The following FKBP10 variants were observed in gnomAD, a reference collection of about 807,000 sequenced individuals.
FKBP10 encodes the protein FKBP prolyl isomerase 10, also known as peptidyl-prolyl cis-trans isomerase FKBP10.
A neutral mutation model predicts 53.7 loss-of-function variants in FKBP10; 34 were observed. The ratio of observed to expected loss-of-function variants is 0.63; its 90% CI spans 0.48 to 0.84. FKBP10 has a LOEUF of 0.84. FKBP10 is among the 40% of genes least tolerant of loss of function. The pLI is 0.00. For synonymous variants in FKBP10, 324 were observed against 335.7 expected (o/e 0.97, Z 0.38); for missense variants, 748 against 797.8 (o/e 0.94, Z 0.75).
intron 6 of FKBP10, 55 bp from the exon 7 acceptor site, chr17:41,820,214 C>T: frequency 6.3e-7 from 1 of 1,589,908 alleles, no homozygotes; most frequent in South Asian, 1.1e-5. Context: ...GGAGAGACCT[C>T]AAGTAGCCTC....
At position 41,818,271 on chromosome 17, in the gene FKBP10, G is replaced by A. The variant is rs782621807; in HGVS notation, c.574G>A (p.Asp192Asn). The A allele has an allele frequency of 5.0e-6, 8 of 1,613,672 alleles. No homozygotes were observed. Among genetic ancestry groups the A allele is most frequent in the African/African-American group, 2.7e-5 (2 of 74,928 alleles). ...NGTLLDGTSF[D>N]TSYSKGGTYD... ...CACCCTGCTGGACGGCACCTCCTTC[G>A]ACACCAGGTGAGGGGCTGGAGGGGA... The change falls in exon 3 of 10, where the codon GAC (aspartate) becomes AAC (asparagine). Residue 192 changes from aspartate to asparagine, a missense_variant. Asp to Asn is a conservative substitution (Grantham distance 23). Transcript: ENST00000321562.
intron 6 of FKBP10, 117 bp from the exon 7 acceptor site, chr17:41,820,152 C>T (rs1407242423): frequency 1.5e-6 from 2 of 1,312,626 alleles, no homozygotes; most frequent in Non-Finnish European, 2.2e-6. Context: ...CCGTCCCATC[C>T]TCCTTTGGAT....
rs782107114 is a variant in FKBP10 at position 41,819,659 on chromosome 17, T to C, written c.1047T>C (p.Tyr349=). 1.2e-6 allele frequency: 2 copies of C among 1,606,298 alleles called. No homozygotes were observed. The highest frequency in any genetic ancestry group is 2.2e-5 in the South Asian group (2 of 89,934). Residue 349 remains tyrosine (Y), a synonymous_variant, in exon 6 of 10, where the codon TAT becomes TAC. Coordinates refer to ENST00000321562, the MANE Select transcript of FKBP10 (RefSeq NM_021939.4). ...TTACCATCCCCCCGCACCTCGCCTA[T>C]GGGGAGAATGGAACTGGTAGGGGCG... is the stretch of plus-strand genomic sequence containing the variant. ...RRITIPPHLA[Y]GENGTGDKIP...
At chr17:41,813,600 G>T (rs1453529635) in intron 1 of FKBP10, among the ~76,000 whole-genome samples, 3 of 152,120 alleles carry the variant, frequency 2.0e-5, no homozygotes, top group African/African-American at 7.2e-5. Context: ...TACAGTGTTG[G>T]GGGGAAGGGG....
intron 7 of FKBP10, 190 bp from the exon 8 acceptor site, chr17:41,820,757 G>A (rs2047880480): frequency 3.7e-6 from 3 of 807,488 alleles, no homozygotes; most frequent in African/African-American, 3.5e-5. Flanking sequence ...CACTTTAGGG[G>A]GCAGAGGCAA....
Position 41,818,153 on chromosome 17 carries a change from G to A in FKBP10, c.456G>A (p.Lys152=). Reference sequence around the variant, plus strand: ...TGGTTCTGCTGGATGTGTGGAACAAGGAAGACACCGTGCAGGTGAGCACAT... The same window carrying A: ...TGGTTCTGCTGGATGTGTGGAACAAAGAAGACACCGTGCAGGTGAGCACAT... The part of the protein sequence containing the change: ...FDVVLLDVWN[K]EDTVQVSTLL... The change falls in exon 3 of 10, where the codon AAG becomes AAA. Residue 152 remains lysine (K), a synonymous_variant. Transcript: ENST00000321562. 1.9e-6 allele frequency: 3 copies of A among 1,613,846 alleles called. No individual in the cohort carries two copies. Among genetic ancestry groups the A allele is most frequent in the Non-Finnish European group, 2.5e-6 (3 of 1,179,956 alleles).
Position 41,819,690 on chromosome 17 carries a change from C to A in FKBP10, c.1063+15C>A. 6.3e-7 allele frequency: 1 copy of A among 1,589,456 alleles called. No individual in the cohort carries two copies. The highest frequency in any genetic ancestry group is 2.3e-5 in the East Asian group (1 of 43,708). On this transcript the variant is annotated intron_variant, in intron 6 of 9. Coordinates refer to ENST00000321562, the MANE Select transcript of FKBP10 (RefSeq NM_021939.4). ...GAATGGAACTGGTAGGGGCGTTCCCCAGCCACCACCTCAGCTCCTCCTCCG... is the reference window on the plus strand; with the variant it reads ...GAATGGAACTGGTAGGGGCGTTCCCAAGCCACCACCTCAGCTCCTCCTCCG...
intron 4 of FKBP10, 180 bp from the exon 5 acceptor site, chr17:41,819,030 C>T: frequency 1.6e-6 from 1 of 640,852 alleles, no homozygotes; most frequent in Non-Finnish European, 2.7e-6. Flanking sequence ...GGTGGTGGCC[C>T]TGGGGAAAAC....
rs1178413988 is a variant in FKBP10, at chr17:41,821,085, T to A, written c.1395T>A (p.Ser465Arg). 1 of 1,517,988 alleles carries A rather than the reference T, an allele frequency of 6.6e-7. No individual in the cohort carries two copies. The highest frequency in any genetic ancestry group is 1.5e-5 in the African/African-American group (1 of 66,418). 94.0% of individuals were successfully genotyped at this position (1,517,988 alleles called of 1,614,324 possible). Reference protein sequence around the residue: ...IVPPHLAHGESGARGVPGSAV... With the variant: ...IVPPHLAHGERGARGVPGSAV... Reference sequence around the variant, plus strand: ...CCCCGCACCTGGCCCACGGGGAGAGTGGAGGTGAGGGGCTGAGACCATAAT... The same window carrying A: ...CCCCGCACCTGGCCCACGGGGAGAGAGGAGGTGAGGGGCTGAGACCATAAT... Residue 465 changes from serine to arginine, a missense_variant, in exon 8 of 10, where the codon AGT becomes AGA. Ser to Arg is a moderately radical substitution (Grantham distance 110). Coordinates refer to ENST00000321562, the MANE Select transcript of FKBP10 (RefSeq NM_021939.4).
In FKBP10 at chr17:41,813,048, GCC is replaced by G. The variant is rs782271121; in HGVS notation, c.20_21del (p.Pro7GlnfsTer67). Reference sequence around the variant, plus strand: ...ACTCCAGGCACCATGTTCCCCGCGGGCCCCCCCAGCCACAGCCTCCTCCGGCT... The same window carrying G: ...ACTCCAGGCACCATGTTCCCCGCGGGCCCCCAGCCACAGCCTCCTCCGGCT... On this transcript the variant is annotated frameshift_variant, in exon 1 of 10. Coordinates refer to ENST00000321562, the MANE Select transcript of FKBP10 (RefSeq NM_021939.4). LOFTEE classifies it high-confidence loss of function. The G allele has an allele frequency of 6.2e-7, 1 of 1,609,390 alleles. No individual in the cohort carries two copies.
intron 1 of FKBP10, among the ~76,000 whole-genome samples, chr17:41,815,954 G>A (rs1478927855): frequency 6.6e-6 from 1 of 151,446 alleles, no homozygotes; most frequent in Non-Finnish European, 1.5e-5. Flanking sequence ...TGGGCAACAT[G>A]GCGAAAGCCC....
chr17:41,818,077 G>C lies in FKBP10; in HGVS notation c.392-12G>C. 6.3e-7 allele frequency: 1 copy of C among 1,594,112 alleles called. No individual in the cohort carries two copies. Among genetic ancestry groups the C allele is most frequent in the Non-Finnish European group, 8.5e-7 (1 of 1,170,450 alleles). On this transcript the variant is annotated splice_polypyrimidine_tract_variant and intron_variant, in intron 2 of 9. Coordinates refer to ENST00000321562, the MANE Select transcript of FKBP10 (RefSeq NM_021939.4). Reference sequence around the variant, plus strand: ...AGAACTCTGAGACCTCCACGCTGCTGCGCTCTCACAGCGGGGCTCATTCCA... The same window carrying C: ...AGAACTCTGAGACCTCCACGCTGCTCCGCTCTCACAGCGGGGCTCATTCCA...
intron 1 of FKBP10, 84 bp from the exon 2 acceptor site, chr17:41,816,974 C>T: frequency 6.3e-7 from 1 of 1,583,094 alleles, no homozygotes; most frequent in Non-Finnish European, 8.7e-7. Flanking sequence ...TGCGTGTGTG[C>T]AGGCACACCT....
chr17:41,813,258 A>T lies in FKBP10; in HGVS notation c.224A>T (p.Asp75Val). The change falls in exon 1 of 10, where the codon GAT (aspartate) becomes GTT (valine). Residue 75 changes from aspartate (D) to valine (V), a missense_variant. By Grantham distance (152) the Asp-to-Val change is radical. Transcript: ENST00000321562. ...VRYHYNGTFE[D>V]GKKFDSSYDR... ...TACCACTACAACGGCACTTTTGAAG[A>T]TGGCAAGAAGTTTGATTCAAGGTAA... 1 of 1,613,806 alleles carries T rather than the reference A, an allele frequency of 6.2e-7. No individual in the cohort carries two copies.
At chr17:41,820,126 A>C (rs1430481342) in intron 6 of FKBP10, 143 bp from the exon 7 acceptor site, 2 of 1,235,160 alleles carry the variant, frequency 1.6e-6, no homozygotes, top group Non-Finnish European at 2.3e-6. Context: ...GTTAGAATTG[A>C]CTCTGGACAA....
intron 8 of FKBP10, 98 bp downstream of exon 8, chr17:41,821,187 C>T: frequency 2.2e-6 from 3 of 1,381,808 alleles, no homozygotes; most frequent in South Asian, 1.4e-5. Context: ...CAGTGGTGTG[C>T]TCTCAGCTCA....
Position 41,819,331 on chromosome 17 carries a change from C to A in FKBP10, c.849C>A (p.Ala283=). The change falls in exon 5 of 10, where the codon GCC becomes GCA. Residue 283 remains alanine (A), a synonymous_variant. Coordinates refer to ENST00000321562, the MANE Select transcript of FKBP10 (RefSeq NM_021939.4). ...TCCCCCCCGGCTGTGTCCGCAGAGC[C>A]GGGGCCGGGGACTTCATGCGCTACC... The part of the protein sequence containing the change: ...LELPPGCVRR[A]GAGDFMRYHY... The A allele has an allele frequency of 6.2e-7, 1 of 1,601,882 alleles. No individual in the cohort carries two copies.
At chr17:41,815,939 C>G (rs2047810074) in intron 1 of FKBP10, among the ~76,000 whole-genome samples, 1 of 151,630 alleles carries the variant, frequency 6.6e-6, no homozygotes, top group African/African-American at 2.4e-5. Context: ...CAAGAGTGAC[C>G]AGCCTGGGCA....
At chr17:41,816,123 C>T (rs923000410) in intron 1 of FKBP10, among the ~76,000 whole-genome samples, 48 of 150,230 alleles carry the variant, frequency 3.2e-4, no homozygotes, top group African/African-American at 1.1e-3. Flanking sequence ...GTGACAGAGC[C>T]GAGACTCCAT....
Sources: allele counts gnomAD v4.1 joint callset (sites outside exome capture counted in the v4.1 genomes callset), GRCh38; gene constraint gnomAD v4.1.1; transcripts MANE v1.5; gene names NCBI Gene and HGNC (gene_info 2026-07-23, HGNC 2026-07-21).